PUDP: variants seen among roughly 807,000 people sequenced by gnomAD.
PUDP encodes the protein pseudouridine-5'-phosphatase.
Under a neutral mutation model 9.4 loss-of-function variants are expected in PUDP, and 8 were observed. The ratio of observed to expected loss-of-function variants is 0.85; its 90% CI spans 0.50 to 1.53. The LOEUF is 1.53. Among genes scored for constraint, PUDP ranks in the 40% most tolerant of loss-of-function variants. The pLI is 0.00. For missense variants in PUDP, 188 were observed against 189.7 expected, an observed-to-expected ratio of 0.99 and a Z score of 0.05; for synonymous variants, 99 against 80.7, an observed-to-expected ratio of 1.23 and a Z score of -1.22.
intron 1 of PUDP, among the ~76,000 whole-genome samples, chrX:6,996,137 C>T (rs1929247095): frequency 9.0e-6 from 1 of 111,622 alleles, no homozygotes; most frequent in African/African-American, 3.3e-5. Flanking sequence ...AAAACATTTT[C>T]CCCGTCCAAA....
intron 1 of PUDP, among the ~76,000 whole-genome samples, chrX:6,984,065 C>T (rs1321311357): frequency 1.8e-5 from 2 of 112,432 alleles, no homozygotes; most frequent in African/African-American, 6.5e-5. Flanking sequence ...TGGACACCCT[C>T]CACTGGTGAC....
chrX:7,075,633 T>G (rs778434436), intron 3 of PUDP, among the ~76,000 whole-genome samples: 12 of 111,665 alleles, frequency 1.1e-4, no homozygotes, highest in African/African-American at 3.6e-4. Context: ...CACACCTACG[T>G]AAGAAAGCTC....
intron 3 of PUDP, among the ~76,000 whole-genome samples, chrX:6,947,440 G>A (rs1177800482): frequency 8.9e-6 from 1 of 112,465 alleles, no homozygotes; most frequent in Non-Finnish European, 1.9e-5. Flanking sequence ...TATCACTAAG[G>A]TGGACCCAAA....
At chrX:7,128,187 G>A (rs774240726) in intron 1 of PUDP, among the ~76,000 whole-genome samples, 59 of 110,515 alleles carry the variant, frequency 5.3e-4, no homozygotes, top group African/African-American at 1.8e-3. Context: ...GATTATAGGC[G>A]TGCACCACCA....
intron 3 of PUDP, among the ~76,000 whole-genome samples, chrX:7,051,092 C>A (rs1602730552): frequency 1.8e-5 from 2 of 111,407 alleles, no homozygotes; most frequent in South Asian, 7.6e-4. Flanking sequence ...ATTCAGATAC[C>A]CACATTGAAA....
intron 3 of PUDP, among the ~76,000 whole-genome samples, chrX:6,807,020 GA>G (rs1230317098): frequency 1.8e-5 from 2 of 112,495 alleles, no homozygotes; most frequent in East Asian, 5.6e-4. Flanking sequence ...GGTGGAGGAA[GA>G]AGAGCAGGAA....
At chrX:7,125,223 T>C (rs1199969711) in intron 1 of PUDP, among the ~76,000 whole-genome samples, 1 of 111,534 alleles carries the variant, frequency 9.0e-6, no homozygotes, top group African/African-American at 3.3e-5. Flanking sequence ...TCGTTATTGC[T>C]ACAGAATAAC....
intron 3 of PUDP, among the ~76,000 whole-genome samples, chrX:6,919,084 C>T (rs1927979029): frequency 9.0e-6 from 1 of 111,582 alleles, no homozygotes; most frequent in Non-Finnish European, 1.9e-5. Flanking sequence ...AATAGAGGCT[C>T]CTCTTTTTTG....
intron 3 of PUDP, among the ~76,000 whole-genome samples, chrX:6,910,348 A>C (rs1287142738): frequency 9.0e-6 from 1 of 111,627 alleles, no homozygotes; most frequent in African/African-American, 3.3e-5. Context: ...CACTATTCCA[A>C]CCTCCTTCAT....
At chrX:6,953,434 C>T (rs978261102) in intron 3 of PUDP, among the ~76,000 whole-genome samples, 2 of 110,490 alleles carry the variant, frequency 1.8e-5, no homozygotes, top group African/African-American at 6.6e-5. Context: ...ATTTTATATA[C>T]ATTTCCTACT....
At chrX:6,818,512 T>A (rs1248728421) in intron 3 of PUDP, among the ~76,000 whole-genome samples, 1 of 112,495 alleles carries the variant, frequency 8.9e-6, no homozygotes. Context: ...AAATTTCCAA[T>A]TTTCTACATT....
intron 1 of PUDP, among the ~76,000 whole-genome samples, chrX:6,713,031 A>G (rs1024336138): frequency 1.8e-5 from 2 of 111,814 alleles, no homozygotes; most frequent in Non-Finnish European, 3.8e-5. Flanking sequence ...TGGGTGACAA[A>G]GCCAGACTGT....
intron 2 of PUDP, among the ~76,000 whole-genome samples, chrX:7,094,568 G>A (rs1931518956): frequency 9.0e-6 from 1 of 110,708 alleles, no homozygotes; most frequent in South Asian, 3.9e-4. Context: ...GTGTTAGCCA[G>A]GATGGTCTCG....
chrX:7,146,066 G>C (rs1299530667), intron 1 of PUDP, among the ~76,000 whole-genome samples: 1 of 111,449 alleles, frequency 9.0e-6, no homozygotes, highest in Non-Finnish European at 1.9e-5. Context: ...TTCCAAGAAA[G>C]TTTTGCAAGG....
intron 3 of PUDP, among the ~76,000 whole-genome samples, chrX:6,897,546 T>C (rs1399993435): frequency 9.0e-6 from 1 of 111,509 alleles, no homozygotes. Flanking sequence ...TGAACTAGTG[T>C]CTGTGACCTT....
intron 3 of PUDP, among the ~76,000 whole-genome samples, chrX:6,846,176 G>T (rs1047990475): frequency 1.8e-4 from 20 of 110,574 alleles, no homozygotes; most frequent in African/African-American, 6.6e-4. Flanking sequence ...CGAGGCGGGC[G>T]GGCGGATCAC....
chrX:7,109,441 TCTGA>T (rs769883843), intron 1 of PUDP, among the ~76,000 whole-genome samples: 1 of 112,158 alleles, frequency 8.9e-6, no homozygotes, highest in East Asian at 2.8e-4. Flanking sequence ...TCCGTGGAAC[TCTGA>T]CTAAGGCGAG....
At chrX:6,974,071 T>C (rs1351458097) in intron 3 of PUDP, among the ~76,000 whole-genome samples, 2 of 111,962 alleles carry the variant, frequency 1.8e-5, no homozygotes, top group African/African-American at 6.5e-5. Flanking sequence ...TATTCCTCCA[T>C]CTCTTTATTT....
chrX:6,716,453 C>CA, intron 1 of PUDP, among the ~76,000 whole-genome samples: 1 of 111,354 alleles, frequency 9.0e-6, no homozygotes, highest in South Asian at 3.8e-4. Context: ...AATTACTATC[C>CA]AACTCTGTAA....
Sources: allele counts gnomAD v4.1 joint callset (sites outside exome capture counted in the v4.1 genomes callset), GRCh38; gene constraint gnomAD v4.1.1; transcripts MANE v1.5; gene names NCBI Gene and HGNC (gene_info 2026-07-23, HGNC 2026-07-21).